Variants in ART4 observed in about 807,000 individuals in gnomAD.
ART4 encodes ADP-ribosyltransferase 4 (inactive) (Dombrock blood group), also known as ecto-ADP-ribosyltransferase 4.
ART4 carries 14 observed loss-of-function variants against 24.2 expected under a neutral mutation model. That is an observed-to-expected ratio of 0.58 (90% CI 0.38 to 0.90). The LOEUF is 0.90. ART4 is among the 40% of genes least tolerant of loss of function. The probability of loss-of-function intolerance (pLI) is 0.00; values close to 1 mark genes in which losing one functional copy is unlikely to be tolerated. For missense variants in ART4, 356 were observed against 366.6 expected, an observed-to-expected ratio of 0.97 and a Z score of 0.24; for synonymous variants, 145 against 139.9, an observed-to-expected ratio of 1.04 and a Z score of -0.26.
chr12:14,830,294 A>G (rs1299478210), intron 2 of ART4, among the ~76,000 whole-genome samples: 2 of 151,928 alleles, frequency 1.3e-5, no homozygotes, highest in Non-Finnish European at 2.9e-5. Context: ...GTGGGGACTG[A>G]AATGAGATGG....
chr12:14,835,577 C>A lies in ART4; in HGVS notation c.853+4868G>T, dbSNP rs560494697. On this transcript the variant is annotated intron_variant, in intron 2 of 2. Transcript: ENST00000228936. ...AAGAAACAAACAAACAACACTGTAG[C>A]GAATAACTGAAAACATTCTGAAGGC... is the stretch of plus-strand genomic sequence containing the variant. Among the ~76,000 whole-genome samples, 4 of 151,596 alleles carry A rather than the reference C, an allele frequency of 2.6e-5. No individual in the cohort carries two copies. In the South Asian group the frequency reaches 8.3e-4, roughly 32 times the overall value.
intron 1 of ART4, among the ~76,000 whole-genome samples, chr12:14,841,672 A>C (rs937618294): frequency 2.0e-5 from 3 of 152,226 alleles, no homozygotes; most frequent in Non-Finnish European, 4.4e-5. Flanking sequence ...ATTGATAATA[A>C]AAATAGCAAA....
Position 14,840,835 on chromosome 12 carries a change from G to A in ART4, c.463C>T (p.His155Tyr). ...AGGTAGTAGTGTAAATATTTGAAGT[G>A]GAATGAACGTTCATACTGCTGTGGA... ...RTPQQYERSF[H>Y]FKYLHYYLTS... The change falls in exon 2 of 3, where the codon CAC becomes TAC. Residue 155 changes from histidine (H) to tyrosine (Y), a missense_variant. His to Tyr is a moderately conservative substitution (Grantham distance 83, BLOSUM62 2). Coordinates refer to ENST00000228936, the MANE Select transcript of ART4 (RefSeq NM_021071.4). 6.2e-7 allele frequency: 1 copy of A among 1,614,162 alleles called. No homozygotes were observed. The highest frequency in any genetic ancestry group is 8.5e-7 in the Non-Finnish European group (1 of 1,180,020).
intron 2 of ART4, among the ~76,000 whole-genome samples, chr12:14,833,638 T>C (rs1950410573): frequency 6.6e-6 from 1 of 152,178 alleles, no homozygotes; most frequent in Admixed American, 6.5e-5. Flanking sequence ...CTGATTTTGG[T>C]CATCTCTGCC....
At chr12:14,837,392 ATCAT>A (rs1950437947) in intron 2 of ART4, among the ~76,000 whole-genome samples, 2 of 152,218 alleles carry the variant, frequency 1.3e-5, no homozygotes, top group Admixed American at 1.3e-4. Context: ...TATATTCACC[ATCAT>A]TCATTCACTC....
chr12:14,829,088 T>C lies in ART4; in HGVS notation c.*283A>G. 4.1e-6 allele frequency: 1 copy of C among 244,550 alleles called. No individual in the cohort carries two copies. Among genetic ancestry groups the C allele is most frequent in the East Asian group, 8.4e-5 (1 of 11,862 alleles). 15.1% of individuals were successfully genotyped at this position (244,550 alleles called of 1,614,324 possible). A position where few individuals can be genotyped will look rare whatever the true frequency, so the allele number is the denominator to read the frequency against. Reference sequence around the variant, plus strand: ...TATACTGATTGGCTAAGGCCTGAGTTACAGGCCAATCACAGTCAGTGGGCT... The same window carrying C: ...TATACTGATTGGCTAAGGCCTGAGTCACAGGCCAATCACAGTCAGTGGGCT... On this transcript the variant is annotated 3_prime_UTR_variant, in exon 3 of 3. Coordinates refer to ENST00000228936, the MANE Select transcript of ART4 (RefSeq NM_021071.4).
At chr12:14,834,859 A>C (rs1207816007) in intron 2 of ART4, among the ~76,000 whole-genome samples, 1 of 152,220 alleles carries the variant, frequency 6.6e-6, no homozygotes, top group Non-Finnish European at 1.5e-5. Context: ...TTGCAAATTT[A>C]CTTCCTTAAA....
At chr12:14,841,411 T>C (rs1438255164) in intron 1 of ART4, among the ~76,000 whole-genome samples, 1 of 152,188 alleles carries the variant, frequency 6.6e-6, no homozygotes, top group Non-Finnish European at 1.5e-5. Context: ...TCTTTTAATA[T>C]CACTAAAATC....
intron 2 of ART4, among the ~76,000 whole-genome samples, chr12:14,833,371 G>A (rs1950409033): frequency 6.6e-6 from 1 of 152,164 alleles, no homozygotes; most frequent in Non-Finnish European, 1.5e-5. Flanking sequence ...TGAATCCCCT[G>A]AAACCAGTCT....
Position 14,827,139 on chromosome 12 carries a change from G to A in ART4, c.*2232C>T, listed in dbSNP as rs1189575545. 4.0e-5 allele frequency: 6 copies of A among 151,148 alleles called. No individual in the cohort carries two copies. The highest frequency in any genetic ancestry group is 2.0e-4 in the Admixed American group (3 of 15,166). 9.4% of individuals were successfully genotyped at this position (151,148 alleles called of 1,614,324 possible). On this transcript the variant is annotated 3_prime_UTR_variant, in exon 3 of 3. Coordinates refer to ENST00000228936, the MANE Select transcript of ART4 (RefSeq NM_021071.4). ...GAGATTGTAAACTCATGAGAGATCT[G>A]GCCTAGTGTTCTTAACTTTTAATCC...
intron 2 of ART4, among the ~76,000 whole-genome samples, chr12:14,833,876 A>G (rs1476372239): frequency 6.6e-6 from 1 of 152,220 alleles, no homozygotes; most frequent in Non-Finnish European, 1.5e-5. Context: ...ATTACCTAGC[A>G]AAAACTTAGC....
intron 2 of ART4, among the ~76,000 whole-genome samples, chr12:14,830,536 A>AGTGTGTGTGTGTGTGT (rs55694373): frequency 1.6e-5 from 2 of 124,160 alleles, no homozygotes; most frequent in Non-Finnish European, 3.4e-5. Flanking sequence ...TCTATATAGG[A>AGTGTGTGTGTGTGTGT]GTGTGTGTGT....
At chr12:14,829,492 T>G (rs1413476830) in intron 2 of ART4, 30 bp from the exon 3 acceptor site, 6 of 1,543,010 alleles carry the variant, frequency 3.9e-6, no homozygotes, top group Non-Finnish European at 5.3e-6. Flanking sequence ...GGAAATATTT[T>G]AGGTAGCAGA....
chr12:14,837,290 T>G (rs887215709), intron 2 of ART4, among the ~76,000 whole-genome samples: 3 of 152,192 alleles, frequency 2.0e-5, no homozygotes, highest in Non-Finnish European at 4.4e-5. Context: ...GGTTGAAGCT[T>G]CTAGAATATC....
rs1950375901 is a variant in ART4 at position 14,829,008 on chromosome 12, T to G, written c.*363A>C. On this transcript the variant is annotated 3_prime_UTR_variant, in exon 3 of 3. Transcript: ENST00000228936. Reference sequence around the variant, plus strand: ...AGTACCCTGATTGTATCTCACAGGCTCTGATTGGATCATTTTCTATTCCAG... The same window carrying G: ...AGTACCCTGATTGTATCTCACAGGCGCTGATTGGATCATTTTCTATTCCAG... 6.3e-6 allele frequency: 1 copy of G among 159,496 alleles called. No individual in the cohort carries two copies. The allele number at this position is 159,496 out of a possible 1,614,324, so 9.9% of individuals were successfully genotyped here.
At chr12:14,831,176 G>A (rs996967040) in intron 2 of ART4, among the ~76,000 whole-genome samples, 1 of 151,802 alleles carries the variant, frequency 6.6e-6, no homozygotes, top group African/African-American at 2.4e-5. Flanking sequence ...TTATGGTAGT[G>A]AATCACTCCA....
At chr12:14,837,286 A>G (rs894013434) in intron 2 of ART4, among the ~76,000 whole-genome samples, 1 of 152,186 alleles carries the variant, frequency 6.6e-6, no homozygotes, top group Non-Finnish European at 1.5e-5. Flanking sequence ...TAGGGGTTGA[A>G]GCTTCTAGAA....
In ART4 at chr12:14,826,075, T is replaced by C. The variant is rs1221386550; in HGVS notation, c.*3296A>G. On this transcript the variant is annotated 3_prime_UTR_variant, in exon 3 of 3. Transcript: ENST00000228936. ...GCATCCGCCTTATCTTTGGAAGATA[T>C]CCCAGGCTAACAAATTTATCCCAGC... 1 of 152,186 alleles carries C rather than the reference T, an allele frequency of 6.6e-6. No individual in the cohort carries two copies. The highest frequency in any genetic ancestry group is 1.5e-5 in the Non-Finnish European group (1 of 68,006). 9.4% of individuals were successfully genotyped at this position (152,186 alleles called of 1,614,324 possible). A position where few individuals can be genotyped will look rare whatever the true frequency, so the allele number is the denominator to read the frequency against.
Position 14,834,091 on chromosome 12 carries a change from C to T in ART4, c.854-4629G>A, listed in dbSNP as rs117652360. On this transcript the variant is annotated intron_variant, in intron 2 of 2. Transcript: ENST00000228936. ...CATTCCCACAAGATGAGTATCACTT[C>T]CATTTTATAAATGAAGAAACAGGCT... is the stretch of plus-strand genomic sequence containing the variant. Among the ~76,000 whole-genome samples, 308 of 152,280 alleles carry T rather than the reference C, an allele frequency of 2.0e-3. 5 individuals carry two copies. In the East Asian group the frequency reaches 0.049, roughly 24 times the overall value.
Sources: allele counts gnomAD v4.1 joint callset (sites outside exome capture counted in the v4.1 genomes callset), GRCh38; gene constraint gnomAD v4.1.1; transcripts MANE v1.5; gene names NCBI Gene and HGNC (gene_info 2026-07-23, HGNC 2026-07-21).